ANK2: variants seen among roughly 807,000 people sequenced by gnomAD.
The protein encoded by ANK2 is ankyrin 2.
A neutral mutation model predicts 360.5 loss-of-function variants in ANK2; 83 were observed. The ratio of observed to expected loss-of-function variants is 0.23; its 90% CI spans 0.19 to 0.28. The LOEUF (loss-of-function observed/expected upper bound fraction) is 0.28. ANK2 is among the 10% of genes least tolerant of loss of function. The pLI, the probability that ANK2 is intolerant of heterozygous loss-of-function variation, is 1.00. For synonymous variants in ANK2, 1,740 were observed against 1,759.5 expected, an observed-to-expected ratio of 0.99 and a Z score of 0.28; for missense variants, 4,201 against 4,795.7, an observed-to-expected ratio of 0.88 and a Z score of 3.66.
the ANK2 span, among the ~76,000 whole-genome samples, chr4:112,711,119 C>G: frequency 1.3e-5 from 2 of 150,028 alleles, no homozygotes; most frequent in Non-Finnish European, 3.0e-5. Context: ...ATTTTTCATT[C>G]TTTCTTTTTT....
intron 1 of ANK2, among the ~76,000 whole-genome samples, chr4:113,172,093 T>G (rs977662502): frequency 6.6e-5 from 10 of 152,238 alleles, no homozygotes; most frequent in Non-Finnish European, 1.5e-4. Context: ...CTTTATCACC[T>G]GTTTCCTCAT....
At chr4:113,348,523 C>T (rs952831342) in intron 36 of ANK2, among the ~76,000 whole-genome samples, 2 of 152,072 alleles carry the variant, frequency 1.3e-5, no homozygotes, top group African/African-American at 2.4e-5. Flanking sequence ...GTTGCCATGT[C>T]GCTATGCAAT....
At chr4:113,097,940 TG>T (rs1238602106) in intron 1 of ANK2, among the ~76,000 whole-genome samples, 1 of 147,996 alleles carries the variant, frequency 6.8e-6, no homozygotes, top group East Asian at 2.0e-4. Context: ...AAATCATAAA[TG>T]TGCTTGTGTA....
intron 1 of ANK2, among the ~76,000 whole-genome samples, chr4:113,172,001 G>C (rs1210032260): frequency 2.6e-5 from 4 of 152,164 alleles, no homozygotes; most frequent in Admixed American, 1.3e-4. Flanking sequence ...AGGAACAATA[G>C]AGCAACCTGA....
chr4:112,836,432 T>C (rs572933682), intron 1 of ANK2, among the ~76,000 whole-genome samples: 3 of 152,288 alleles, frequency 2.0e-5, no homozygotes, highest in South Asian at 2.1e-4. Flanking sequence ...ACTGCTATAA[T>C]GATAACCTGA....
At chr4:112,716,747 C>T in the ANK2 span, among the ~76,000 whole-genome samples, 3 of 152,098 alleles carry the variant, frequency 2.0e-5, no homozygotes, top group Admixed American at 6.5e-5. Context: ...AATCTGTAAA[C>T]ATGATTTTAT....
At chr4:113,064,331 T>C (rs2074752671) in intron 1 of ANK2, among the ~76,000 whole-genome samples, 1 of 152,196 alleles carries the variant, frequency 6.6e-6, no homozygotes, top group African/African-American at 2.4e-5. Context: ...GCACTCTGTG[T>C]GACTTACCGT....
intron 2 of ANK2, among the ~76,000 whole-genome samples, chr4:112,920,986 G>A (rs1474027949): frequency 6.6e-6 from 1 of 150,732 alleles, no homozygotes; most frequent in African/African-American, 2.4e-5. Context: ...AACACATCAT[G>A]TTATCAGAGT....
intron 1 of ANK2, among the ~76,000 whole-genome samples, chr4:113,061,997 C>A (rs1580430962): frequency 6.6e-6 from 1 of 151,852 alleles, no homozygotes; most frequent in African/African-American, 2.4e-5. Context: ...TGTACCCACA[C>A]AAATTAAAAA....
rs765480561 is a variant in ANK2, at chr4:113,151,072, C to T, written c.85-23344C>T. 1.1e-5 allele frequency: 14 copies of T among 1,286,236 alleles called. No homozygotes were observed. The South Asian group carries it at 1.8e-4, about 16-fold the overall frequency. 79.7% of individuals were successfully genotyped at this position (1,286,236 alleles called of 1,614,324 possible). On this transcript the variant is annotated intron_variant, in intron 1 of 45. Coordinates refer to ENST00000357077, the MANE Select transcript of ANK2 (RefSeq NM_001148.6). ...GCAAATCTATTTATGGGAATTTTCC[C>T]ACTACAGGTGACATGCCCCCAGATG...
rs1460612446 is a variant in ANK2, at chr4:113,218,959, G to A, written c.385-13202G>A. On this transcript the variant is annotated intron_variant, in intron 4 of 45. Transcript: ENST00000357077. The stretch of plus-strand genomic sequence containing the variant: ...GGTTAATGGATTTTGCTCTGTTGGG[G>A]GAAAATAAAAGCACCCTATAGCGAT... 2.6e-5 allele frequency among the ~76,000 whole-genome samples: 4 copies of A among 152,036 alleles called. No homozygotes were observed. The South Asian group carries it at 6.2e-4, about 24-fold the overall frequency.
intron 1 of ANK2, among the ~76,000 whole-genome samples, chr4:113,099,598 T>G (rs1581546328): frequency 6.6e-6 from 1 of 152,098 alleles, no homozygotes; most frequent in South Asian, 2.1e-4. Flanking sequence ...AATCAAAATC[T>G]CAGCAAGTTG....
intron 4 of ANK2, among the ~76,000 whole-genome samples, chr4:113,224,313 A>T (rs1413948506): frequency 2.6e-5 from 4 of 152,226 alleles, no homozygotes; most frequent in African/African-American, 9.6e-5. Flanking sequence ...ACAAATATTT[A>T]CTGAACACCT....
intron 2 of ANK2, among the ~76,000 whole-genome samples, chr4:113,191,073 T>C (rs1407143093): frequency 6.6e-6 from 1 of 152,048 alleles, no homozygotes; most frequent in Non-Finnish European, 1.5e-5. Flanking sequence ...GGTATGGTGG[T>C]TCACGCCTAT....
At chr4:112,857,358 A>C (rs2066693109) in intron 1 of ANK2, among the ~76,000 whole-genome samples, 1 of 152,244 alleles carries the variant, frequency 6.6e-6, no homozygotes, top group South Asian at 2.1e-4. Flanking sequence ...ATATCAAGTC[A>C]TCAGTTTATG....
the ANK2 span, among the ~76,000 whole-genome samples, chr4:112,812,897 C>T: frequency 6.6e-6 from 1 of 152,140 alleles, no homozygotes; most frequent in African/African-American, 2.4e-5. Flanking sequence ...CAGCCTTTTC[C>T]CCAAAGAGCC....
chr4:112,868,579 A>G (rs78575172), intron 1 of ANK2, among the ~76,000 whole-genome samples: 2,687 of 152,352 alleles, frequency 0.018, 75 homozygotes, highest in African/African-American at 0.058. Flanking sequence ...TATAGCAATT[A>G]AATTTCAATG....
At chr4:113,178,707 T>C (rs2098312296) in intron 2 of ANK2, among the ~76,000 whole-genome samples, 1 of 152,228 alleles carries the variant, frequency 6.6e-6, no homozygotes, top group Non-Finnish European at 1.5e-5. Flanking sequence ...CCTGCTTAGC[T>C]ACTGTGTATT....
chr4:113,281,149 T>C (rs2062161160), intron 17 of ANK2, among the ~76,000 whole-genome samples: 1 of 152,184 alleles, frequency 6.6e-6, no homozygotes, highest in African/African-American at 2.4e-5. Context: ...AGGATCAAGA[T>C]TTGATGATAG....
Sources: allele counts gnomAD v4.1 joint callset (sites outside exome capture counted in the v4.1 genomes callset), GRCh38; gene constraint gnomAD v4.1.1; transcripts MANE v1.5; gene names NCBI Gene and HGNC (gene_info 2026-07-23, HGNC 2026-07-21).